The following EYS variants were observed in gnomAD, a reference collection of about 807,000 sequenced individuals.
The protein encoded by EYS is protein eyes shut homolog.
In EYS, 250 loss-of-function variants were observed where a neutral mutation model predicts 282.1. The ratio of observed to expected loss-of-function variants is 0.89; its 90% confidence interval spans 0.80 to 0.98. The LOEUF is 0.98. Ranked by LOEUF, EYS falls within the 50% of genes least tolerant of loss-of-function variation. EYS has a pLI of 0.00. For missense variants in EYS, 4,016 were observed against 3,709.0 expected (o/e 1.08, Z -2.15); for synonymous variants, 1,355 against 1,282.9 (o/e 1.06, Z -1.20).
At chr6:64,395,099 T>A (rs1655466484) in intron 28 of EYS, among the ~76,000 whole-genome samples, 1 of 152,092 alleles carries the variant, frequency 6.6e-6, no homozygotes, top group African/African-American at 2.4e-5. Context: ...CTCACACCAG[T>A]TAGAATGGCG....
At chr6:64,442,616 C>A (rs950069991) in intron 26 of EYS, among the ~76,000 whole-genome samples, 2 of 152,100 alleles carry the variant, frequency 1.3e-5, no homozygotes, top group Non-Finnish European at 2.9e-5. Flanking sequence ...AGGGTATTTC[C>A]GCTGTGTGCA....
intron 31 of EYS, among the ~76,000 whole-genome samples, chr6:64,151,830 T>A (rs1774751070): frequency 6.6e-6 from 1 of 152,162 alleles, no homozygotes; most frequent in South Asian, 2.1e-4. Flanking sequence ...TCATATATAT[T>A]GTCTTATTTG....
intron 11 of EYS, among the ~76,000 whole-genome samples, chr6:65,320,149 G>GA (rs201628065): frequency 9.1e-4 from 134 of 148,056 alleles, no homozygotes; most frequent in Middle Eastern, 7.0e-3. Context: ...TGCAATGCAG[G>GA]AAAAAAAAAA....
At chr6:65,190,442 T>C (rs1158551831) in intron 12 of EYS, among the ~76,000 whole-genome samples, 1 of 151,274 alleles carries the variant, frequency 6.6e-6, no homozygotes, top group African/African-American at 2.4e-5. Flanking sequence ...ACATTAAAAT[T>C]TGAAAATATA....
intron 12 of EYS, among the ~76,000 whole-genome samples, chr6:65,110,538 A>G (rs1169000508): frequency 6.6e-6 from 1 of 152,138 alleles, no homozygotes; most frequent in Non-Finnish European, 1.5e-5. Flanking sequence ...TCCAAATAAC[A>G]TCTGTGGCAT....
chr6:64,622,599 T>C (rs1447997233), intron 23 of EYS, among the ~76,000 whole-genome samples: 2 of 152,100 alleles, frequency 1.3e-5, no homozygotes, highest in African/African-American at 4.8e-5. Context: ...CCTTTTGGCA[T>C]AGAGGTGGAG....
chr6:63,771,696 C>G (rs1278202856), intron 40 of EYS, among the ~76,000 whole-genome samples: 2 of 152,118 alleles, frequency 1.3e-5, no homozygotes, highest in African/African-American at 4.8e-5. Flanking sequence ...AGAGGTTACT[C>G]TTAAGCCACA....
intron 41 of EYS, among the ~76,000 whole-genome samples, chr6:63,740,932 G>A (rs566765628): frequency 1.3e-5 from 2 of 152,246 alleles, no homozygotes; most frequent in South Asian, 4.1e-4. Flanking sequence ...TTCATTTTGA[G>A]GTAGAATTTG....
At chr6:65,092,959 A>C (rs1774618691) in intron 12 of EYS, among the ~76,000 whole-genome samples, 1 of 152,174 alleles carries the variant, frequency 6.6e-6, no homozygotes, top group African/African-American at 2.4e-5. Context: ...GAAGCAAATG[A>C]CATTCAGATT....
intron 13 of EYS, among the ~76,000 whole-genome samples, chr6:65,056,129 G>T (rs766270230): frequency 6.6e-6 from 1 of 151,916 alleles, no homozygotes; most frequent in Non-Finnish European, 1.5e-5. Context: ...TTGGGTACCA[G>T]CCAATATTCC....
chr6:64,262,552 A>G (rs926957486), intron 30 of EYS, among the ~76,000 whole-genome samples: 1 of 151,966 alleles, frequency 6.6e-6, no homozygotes, highest in Non-Finnish European at 1.5e-5. Context: ...TATATCATCA[A>G]TATCTAAGTA....
chr6:65,061,507 G>A (rs1245801553), intron 12 of EYS, among the ~76,000 whole-genome samples: 1 of 151,854 alleles, frequency 6.6e-6, no homozygotes, highest in Non-Finnish European at 1.5e-5. Flanking sequence ...CCAGACTGGA[G>A]ACATTTGTGA....
intron 22 of EYS, among the ~76,000 whole-genome samples, chr6:64,786,080 A>G (rs1192126149): frequency 2.0e-5 from 3 of 152,144 alleles, no homozygotes; most frequent in Non-Finnish European, 4.4e-5. Flanking sequence ...GAAAAATGGA[A>G]TATTTTAGAA....
chr6:65,427,415 T>G (rs773497836), intron 5 of EYS, among the ~76,000 whole-genome samples: 18 of 151,920 alleles, frequency 1.2e-4, no homozygotes, highest in Non-Finnish European at 2.7e-4. Flanking sequence ...ATTGACTATC[T>G]CATGTTAGAT....
At chr6:64,823,898 G>A (rs971838602) in intron 19 of EYS, among the ~76,000 whole-genome samples, 2 of 151,866 alleles carry the variant, frequency 1.3e-5, no homozygotes, top group Non-Finnish European at 2.9e-5. Flanking sequence ...GGTTCTTGTA[G>A]CCAATACATA....
chr6:64,210,272 T>G (rs1411706914), intron 31 of EYS, among the ~76,000 whole-genome samples: 5 of 152,196 alleles, frequency 3.3e-5, no homozygotes, highest in Admixed American at 1.3e-4. Flanking sequence ...TTACATAGAC[T>G]GAGTAGCTTA....
intron 15 of EYS, among the ~76,000 whole-genome samples, chr6:64,937,939 C>A (rs953703675): frequency 6.6e-6 from 1 of 151,336 alleles, no homozygotes; most frequent in Admixed American, 6.6e-5. Context: ...TGTTATCTGG[C>A]CATAAAAAAG....
intron 12 of EYS, among the ~76,000 whole-genome samples, chr6:65,215,739 A>G (rs1206265075): frequency 3.9e-5 from 6 of 152,212 alleles, no homozygotes; most frequent in Non-Finnish European, 8.8e-5. Flanking sequence ...TGTTATGTTA[A>G]GATTTGGCAC....
intron 29 of EYS, among the ~76,000 whole-genome samples, chr6:64,384,229 C>T (rs1772839261): frequency 6.6e-6 from 1 of 152,068 alleles, no homozygotes; most frequent in Non-Finnish European, 1.5e-5. Context: ...CACTCATTTG[C>T]TTTACCAGTG....
Sources: gnomAD v4.1 joint callset for allele counts (sites outside exome capture counted in the v4.1 genomes callset) on GRCh38, gnomAD v4.1.1 for gene constraint, MANE v1.5 for transcripts, NCBI Gene and HGNC (gene_info 2026-07-23, HGNC 2026-07-21) for gene names.